The following KCTD5 variants were observed in gnomAD, a reference collection of about 807,000 sequenced individuals.
The protein encoded by KCTD5 is BTB/POZ domain-containing protein KCTD5.
KCTD5 carries 12 observed loss-of-function variants against 27.9 expected under a neutral mutation model. The ratio of observed to expected loss-of-function variants is 0.43; its 90% confidence interval spans 0.28 to 0.70. The LOEUF (loss-of-function observed/expected upper bound fraction) is 0.70. Among genes scored for constraint, KCTD5 ranks in the 30% least tolerant of loss-of-function variants. The probability of loss-of-function intolerance (pLI) is 0.19; values close to 1 mark genes in which losing one functional copy is unlikely to be tolerated. For synonymous variants in KCTD5, 147 were observed against 121.4 expected (o/e 1.21, Z -1.39); for missense variants, 226 against 274.8 (o/e 0.82, Z 1.26).
intron 2 of KCTD5, among the ~76,000 whole-genome samples, chr16:2,696,672 C>T (rs1292933554): frequency 6.6e-6 from 1 of 152,160 alleles, no homozygotes; most frequent in Non-Finnish European, 1.5e-5. Flanking sequence ...GGCCCTGCTC[C>T]CCCGGGTCCG....
At chr16:2,697,879 A>G in intron 2 of KCTD5, 27 bp from the exon 3 acceptor site, 1 of 1,515,344 alleles carries the variant, frequency 6.6e-7, no homozygotes, top group Non-Finnish European at 9.2e-7. Context: ...TGGTCTGGTA[A>G]AGACAATTTA....
intron 1 of KCTD5, among the ~76,000 whole-genome samples, chr16:2,690,887 A>T (rs758594485): frequency 1.3e-5 from 2 of 151,982 alleles, no homozygotes; most frequent in African/African-American, 2.4e-5. Context: ...TGTGTTTCCC[A>T]TTTTCCCATG....
At position 2,704,460 on chromosome 16, in the gene KCTD5, C is replaced by T. The variant is rs59959172; in HGVS notation, c.675+1982C>T. Among the ~76,000 whole-genome samples, 32 of 152,334 alleles carry T rather than the reference C, an allele frequency of 2.1e-4. No homozygotes were observed. In the East Asian group the frequency reaches 4.2e-3, roughly 20 times the overall value. ...GGGTTGCACCTGTAGCAAGTGAAGG[C>T]GGTCCACACATGAGCACACCTGCTT... On this transcript the variant is annotated intron_variant, in intron 5 of 5. Coordinates refer to ENST00000301738, the MANE Select transcript of KCTD5 (RefSeq NM_018992.4).
intron 5 of KCTD5, among the ~76,000 whole-genome samples, chr16:2,706,815 CAT>C (rs1368497727): frequency 1.4e-5 from 2 of 146,770 alleles, no homozygotes; most frequent in Non-Finnish European, 3.0e-5. Flanking sequence ...GGGGCCAGCA[CAT>C]GAGGTGGGCT....
rs370391310 is a variant in KCTD5, at chr16:2,687,337, C to T, written c.252+4537C>T. Among the ~76,000 whole-genome samples the T allele has an allele frequency of 2.2e-3, 339 of 152,336 alleles. 2 individuals carry two copies. Among genetic ancestry groups the T allele is most frequent in the South Asian group, 4.6e-3 (22 of 4,832 alleles). On this transcript the variant is annotated intron_variant, in intron 1 of 5. Coordinates refer to ENST00000301738, the MANE Select transcript of KCTD5 (RefSeq NM_018992.4). ...TGTTTCGGGGCACCTGACATGGGCC[C>T]GCGGTCTTCGGCATTCTCGCCTCCA...
intron 5 of KCTD5, among the ~76,000 whole-genome samples, chr16:2,704,550 C>T (rs751768267): frequency 1.3e-5 from 2 of 152,256 alleles, no homozygotes; most frequent in Non-Finnish European, 2.9e-5. Flanking sequence ...CGCTTAGACT[C>T]AAGGCCGCCA....
intron 5 of KCTD5, among the ~76,000 whole-genome samples, chr16:2,702,878 A>G (rs1555454955): frequency 2.0e-5 from 3 of 151,582 alleles, no homozygotes; most frequent in Non-Finnish European, 1.5e-5. Flanking sequence ...GTGCAGGGAC[A>G]TGGGGGTCCA....
chr16:2,698,065 C>A, intron 3 of KCTD5, 68 bp downstream of exon 3: 1 of 1,145,356 alleles, frequency 8.7e-7, no homozygotes, highest in Non-Finnish European at 1.3e-6. Context: ...CTTTACTCCC[C>A]CGACCGGCTG....
intron 1 of KCTD5, among the ~76,000 whole-genome samples, chr16:2,692,588 G>A (rs536256949): frequency 2.0e-5 from 3 of 152,346 alleles, no homozygotes; most frequent in Admixed American, 6.5e-5. Flanking sequence ...CCAGAGGGAA[G>A]GAAGTGCATA....
chr16:2,690,840 A>G (rs11644881), intron 1 of KCTD5, among the ~76,000 whole-genome samples: 81,637 of 152,180 alleles, frequency 0.54, 22,551 homozygotes, highest in Middle Eastern at 0.59. Flanking sequence ...CTTTGTCTCC[A>G]TGAGCCTCGG....
At chr16:2,705,119 C>A (rs987869899) in intron 5 of KCTD5, among the ~76,000 whole-genome samples, 1 of 152,186 alleles carries the variant, frequency 6.6e-6, no homozygotes, top group African/African-American at 2.4e-5. Context: ...CCCCACTGCG[C>A]GCTGCACGCC....
At chr16:2,701,062 G>A (rs548995147) in intron 4 of KCTD5, among the ~76,000 whole-genome samples, 2 of 152,312 alleles carry the variant, frequency 1.3e-5, no homozygotes, top group African/African-American at 2.4e-5. Flanking sequence ...GCAGCTCGGG[G>A]TCCGCGAACA....
chr16:2,699,720 T>G (rs1596224564), intron 3 of KCTD5, 101 bp from the exon 4 acceptor site: 1 of 1,024,190 alleles, frequency 9.8e-7, no homozygotes, highest in East Asian at 2.4e-5. Context: ...TGCTGAGAAC[T>G]GCAGAGTGGA....
intron 4 of KCTD5, among the ~76,000 whole-genome samples, chr16:2,702,064 G>T (rs542772349): frequency 1.3e-5 from 2 of 152,332 alleles, no homozygotes; most frequent in Non-Finnish European, 2.9e-5. Flanking sequence ...ACCCGTCTGT[G>T]CTCCGTCCCC....
chr16:2,707,178 G>C, intron 5 of KCTD5, 120 bp from the exon 6 acceptor site: 1 of 878,684 alleles, frequency 1.1e-6, no homozygotes, highest in Non-Finnish European at 1.8e-6. Flanking sequence ...CAGTGCCGCT[G>C]GGTTCCCGGG....
chr16:2,688,352 G>C (rs2067551563), intron 1 of KCTD5, among the ~76,000 whole-genome samples: 1 of 151,566 alleles, frequency 6.6e-6, no homozygotes. Flanking sequence ...CTGGGTTCAA[G>C]CATTTCTCCT....
At chr16:2,688,064 C>T (rs1371530634) in intron 1 of KCTD5, among the ~76,000 whole-genome samples, 1 of 151,940 alleles carries the variant, frequency 6.6e-6, no homozygotes, top group Non-Finnish European at 1.5e-5. Context: ...CTTTCTTCCT[C>T]TGTAAAGTCC....
At chr16:2,696,656 G>C (rs1159900527) in intron 2 of KCTD5, among the ~76,000 whole-genome samples, 1 of 152,186 alleles carries the variant, frequency 6.6e-6, no homozygotes, top group Non-Finnish European at 1.5e-5. Context: ...ACCTGCGTGC[G>C]GGCGTGGCCC....
At chr16:2,699,258 A>T (rs934019952) in intron 3 of KCTD5, 1 of 455,602 alleles carries the variant, frequency 2.2e-6, no homozygotes, top group Non-Finnish European at 4.4e-6. Flanking sequence ...CTGGTGGCTC[A>T]CCATCACTCC....
Sources: gnomAD v4.1 joint callset for allele counts (sites outside exome capture counted in the v4.1 genomes callset) on GRCh38, gnomAD v4.1.1 for gene constraint, MANE v1.5 for transcripts, NCBI Gene and HGNC (gene_info 2026-07-23, HGNC 2026-07-21) for gene names.